The following RBM45 variants were observed in gnomAD, a reference collection of about 807,000 sequenced individuals.
RBM45 encodes RNA-binding protein 45.
Under a neutral mutation model 58.5 loss-of-function variants are expected in RBM45, and 39 were observed. The observed-to-expected ratio is 0.67, with a 90% CI of 0.52 to 0.87. RBM45 has a LOEUF of 0.87. Ranked by LOEUF, RBM45 falls within the 40% of genes least tolerant of loss-of-function variation. The probability of loss-of-function intolerance (pLI) is 0.00; values close to 1 mark genes in which losing one functional copy is unlikely to be tolerated. For missense variants in RBM45, 481 were observed against 581.6 expected (o/e 0.83, Z 1.78); for synonymous variants, 193 against 203.0 (o/e 0.95, Z 0.42).
At chr2:178,119,503 A>G (rs2087821208) in intron 3 of RBM45, among the ~76,000 whole-genome samples, 1 of 152,246 alleles carries the variant, frequency 6.6e-6, no homozygotes, top group Admixed American at 6.5e-5. Flanking sequence ...TGGGAACCAT[A>G]TATTGGAGGT....
At chr2:178,137,777 A>G (rs369154879) in exon 4 of RBM45, 33 of 152,110 alleles carry the variant, frequency 2.2e-4, no homozygotes, top group African/African-American at 7.7e-4. Context: ...TGCATTTTTT[A>G]TTTATCTTAT....
chr2:178,118,090 G>A lies in RBM45; in HGVS notation c.459G>A (p.Lys153=). 6.2e-7 allele frequency: 1 copy of A among 1,612,428 alleles called. No homozygotes were observed. Among genetic ancestry groups the A allele is most frequent in the Non-Finnish European group, 8.5e-7 (1 of 1,178,938 alleles). ...YGDIEYCSII[K]NKVTGESKGL... is the part of the protein sequence containing the mutation. ...ATATCGAGTATTGCAGCATTATTAAGAATAAAGTGACTGGAGAAAGTAAAG... is the reference window on the plus strand; with the variant it reads ...ATATCGAGTATTGCAGCATTATTAAAAATAAAGTGACTGGAGAAAGTAAAG... The change falls in exon 3 of 10, where the codon AAG becomes AAA. Residue 153 remains lysine, a synonymous_variant. Coordinates refer to ENST00000286070, the MANE Select transcript of RBM45 (RefSeq NM_152945.4).
rs546838600 is a variant in RBM45 at position 178,113,721 on chromosome 2, T to C, written c.300+875T>C. Among the ~76,000 whole-genome samples, 9 of 152,366 alleles carry C rather than the reference T, an allele frequency of 5.9e-5. No homozygotes were observed. In the South Asian group the frequency reaches 1.9e-3, roughly 32 times the overall value. ...CCAAGATGTCACAGCTTACTCCCTG[T>C]GATCTCAAATCAGGACTCAATCCTG... On this transcript the variant is annotated intron_variant, in intron 1 of 9. Transcript: ENST00000286070.
intron 9 of RBM45, among the ~76,000 whole-genome samples, chr2:178,126,667 T>G (rs907353046): frequency 3.3e-5 from 5 of 152,198 alleles, no homozygotes; most frequent in African/African-American, 1.2e-4. Flanking sequence ...TTTTTGGACC[T>G]TTTGAACCTA....
At chr2:178,132,506 G>A (rs1422729958), downstream of RBM45, among the ~76,000 whole-genome samples, 1 of 152,226 alleles carries the variant, frequency 6.6e-6, no homozygotes, top group Non-Finnish European at 1.5e-5. Context: ...GTGATAAAGT[G>A]CAGCATTCCA....
At chr2:178,135,746 T>G (rs1192150337) in intron 3 of RBM45, among the ~76,000 whole-genome samples, 1 of 152,226 alleles carries the variant, frequency 6.6e-6, no homozygotes, top group Non-Finnish European at 1.5e-5. Context: ...ATGGCCTTTT[T>G]GGGTCTGTTT....
In RBM45 at chr2:178,129,489, T is replaced by C. The variant is rs1300595635; in HGVS notation, c.*101T>C. ...TGGACAGTTGACAGCTTTTTTTTTT[T>C]CCATATACCTGATAGTCTGTGTACA... On this transcript the variant is annotated 3_prime_UTR_variant, in exon 10 of 10. Transcript: ENST00000286070. 1.3e-5 allele frequency: 2 copies of C among 152,604 alleles called. No homozygotes were observed. The highest frequency in any genetic ancestry group is 4.8e-5 in the African/African-American group (2 of 41,444). The allele number at this position is 152,604 out of a possible 1,614,324, so 9.5% of individuals were successfully genotyped here.
At chr2:178,134,686 C>G (rs1315524507) in intron 3 of RBM45, among the ~76,000 whole-genome samples, 2 of 151,824 alleles carry the variant, frequency 1.3e-5, no homozygotes, top group Non-Finnish European at 2.9e-5. Context: ...ATTTTTTTCT[C>G]TCTTTGTCAA....
intron 6 of RBM45, 46 bp from the exon 7 acceptor site, chr2:178,123,781 GA>G: frequency 6.2e-7 from 1 of 1,605,796 alleles, no homozygotes; most frequent in Non-Finnish European, 8.5e-7. Flanking sequence ...ACTGTTAAAA[GA>G]CTGAATATTT....
downstream of RBM45, among the ~76,000 whole-genome samples, chr2:178,130,392 G>T (rs945676571): frequency 6.6e-6 from 1 of 152,082 alleles, no homozygotes; most frequent in Admixed American, 6.6e-5. Context: ...AGGCGTGGTG[G>T]TGTGTGCCTG....
chr2:178,121,403 T>TATAC lies in RBM45; in HGVS notation c.853+45_853+46insTACA, dbSNP rs1260057109. ...TAAAAAATATATATATATGTATATA[T>TATAC]ACACACACACACACACACACACACA... On this transcript the variant is annotated intron_variant, in intron 5 of 9. Transcript: ENST00000286070. 1,423 of 593,322 alleles carry TATAC rather than the reference T, an allele frequency of 2.4e-3. 6 individuals carry two copies. The highest frequency in any genetic ancestry group is 0.013 in the African/African-American group (617 of 48,756). The allele number at this position is 593,322 out of a possible 1,614,324, so 36.8% of individuals were successfully genotyped here. A position where few individuals can be genotyped will look rare whatever the true frequency, so the allele number is the denominator to read the frequency against.
chr2:178,115,387 G>A (rs1487693894), intron 1 of RBM45, among the ~76,000 whole-genome samples: 1 of 151,014 alleles, frequency 6.6e-6, no homozygotes, highest in African/African-American at 2.4e-5. Flanking sequence ...TTTCTCTAGT[G>A]TCTTTGCATA....
chr2:178,123,592 G>A lies in RBM45; in HGVS notation c.924G>A (p.Gln308=), dbSNP rs146044729. Residue 308 remains glutamine (Q), a synonymous_variant, in exon 6 of 10, where the codon CAG becomes CAA. Coordinates refer to ENST00000286070, the MANE Select transcript of RBM45 (RefSeq NM_152945.4). ...IYAKYKLHGF[Q]YPPGNRIGVS... is the part of the protein sequence containing the mutation. ...CAAAATACAAATTACATGGATTTCA[G>A]TACCCTCCTGGGAACCGAATAGGTG... 3.7e-4 allele frequency: 591 copies of A among 1,609,786 alleles called. 2 individuals are homozygous for A. The African/African-American group carries it at 5.6e-3, about 15-fold the overall frequency.
At chr2:178,126,300 A>G in intron 9 of RBM45, 116 bp downstream of exon 9, 2 of 547,318 alleles carry the variant, frequency 3.7e-6, no homozygotes, top group South Asian at 7.1e-5. Flanking sequence ...CAGTTAAAAG[A>G]GCTTTGCAAC....
rs200524633 is a variant in RBM45 at position 178,121,305 on chromosome 2, A to G, written c.799A>G (p.Ile267Val). 9.3e-6 allele frequency: 15 copies of G among 1,606,488 alleles called. No homozygotes were observed. Among genetic ancestry groups the G allele is most frequent in the South Asian group, 4.5e-5 (4 of 89,508 alleles). ...AGAACAGCTTTTCAGCATTTTTGAT[A>G]TAGTACCAGGATTGGAATATTGTGA... is the stretch of plus-strand genomic sequence containing the variant. ...TEEQLFSIFD[I>V]VPGLEYCEVQ... The change falls in exon 5 of 10, where the codon ATA (isoleucine) becomes GTA (valine). Residue 267 changes from isoleucine (I) to valine (V), a missense_variant. Physicochemically the swap from Ile to Val is conservative, Grantham distance 29. Coordinates refer to ENST00000286070, the MANE Select transcript of RBM45 (RefSeq NM_152945.4).
intron 1 of RBM45, among the ~76,000 whole-genome samples, chr2:178,115,664 C>T (rs950441023): frequency 2.6e-5 from 4 of 152,108 alleles, no homozygotes; most frequent in African/African-American, 9.7e-5. Flanking sequence ...GCCCCCTTTA[C>T]CAGCAGTGGA....
At chr2:178,117,446 G>T (rs114328864) in intron 2 of RBM45, among the ~76,000 whole-genome samples, 1,825 of 152,178 alleles carry the variant, frequency 0.012, 32 homozygotes, top group East Asian at 0.073. Context: ...AAACACTACT[G>T]CATGTTTCTC....
chr2:178,117,512 A>C (rs1292839859), intron 2 of RBM45, among the ~76,000 whole-genome samples: 1 of 152,176 alleles, frequency 6.6e-6, no homozygotes, highest in Non-Finnish European at 1.5e-5. Flanking sequence ...TTTGAAAAGC[A>C]CTCCTTCAAA....
At chr2:178,116,091 G>T (rs2087771741) in intron 1 of RBM45, among the ~76,000 whole-genome samples, 171 bp from the exon 2 acceptor site, 1 of 151,834 alleles carries the variant, frequency 6.6e-6, no homozygotes, top group Non-Finnish European at 1.5e-5. Context: ...TGTTGAGACT[G>T]CCGTGAGCCA....
Sources: gnomAD v4.1 joint callset for allele counts (sites outside exome capture counted in the v4.1 genomes callset) on GRCh38, gnomAD v4.1.1 for gene constraint, MANE v1.5 for transcripts, NCBI Gene and HGNC (gene_info 2026-07-23, HGNC 2026-07-21) for gene names.